KIAA1671: variants seen among roughly 807,000 people sequenced by gnomAD.
KIAA1671 encodes KIAA1671, also known as uncharacterized protein KIAA1671.
KIAA1671 carries 52 observed loss-of-function variants against 131.2 expected under a neutral mutation model. The observed-to-expected ratio is 0.40, with a 90% CI of 0.32 to 0.50. The LOEUF (loss-of-function observed/expected upper bound fraction) is 0.50, where lower values mean the gene tolerates loss of function less well. KIAA1671 is among the 20% of genes least tolerant of loss of function. KIAA1671 has a pLI of 0.73. For synonymous variants in KIAA1671, 1,003 were observed against 961.6 expected, an observed-to-expected ratio of 1.04 and a Z score of -0.80; for missense variants, 2,360 against 2,364.2, an observed-to-expected ratio of 1.00 and a Z score of 0.04.
At chr22:24,989,814 GTCCGCCC>G (rs1923745464) in intron 1 of KIAA1671, among the ~76,000 whole-genome samples, 1 of 152,118 alleles carries the variant, frequency 6.6e-6, no homozygotes, top group Admixed American at 6.5e-5. Context: ...CGGGGTGAAT[GTCCGCCC>G]GGCAAAGGGA....
chr22:25,060,549 C>T (rs1928104010), intron 6 of KIAA1671: 1 of 152,256 alleles, frequency 6.6e-6, no homozygotes, highest in Admixed American at 6.5e-5. Context: ...TCGGTTCACA[C>T]TCTGGGTATC....
At chr22:25,003,400 ATTTTTTTTTTTT>A (rs71191013) in intron 1 of KIAA1671, among the ~76,000 whole-genome samples, 2,156 of 113,934 alleles carry the variant, frequency 0.019, 79 homozygotes, top group African/African-American at 0.079. Flanking sequence ...ACTTGGAGAG[ATTTTTTTTTTTT>A]TTTTTTTTTT....
At position 25,039,809 on chromosome 22, in the gene KIAA1671, G is replaced by A. The variant is rs1400573028; in HGVS notation, c.2679G>A (p.Gly893=). ...ATCCTCTTTCCAGGGCTACGAATGG[G>A]CCTTCTGACTCCCAAGCACGAACAC... The part of the protein sequence containing the change: ...PLDPLSRATN[G]PSDSQARTHP... Residue 893 remains glycine (G), a synonymous_variant, in exon 5 of 13, where the codon GGG becomes GGA. Transcript: ENST00000358431. The A allele has an allele frequency of 2.4e-5, 36 of 1,525,212 alleles. No homozygotes were observed. The highest frequency in any genetic ancestry group is 2.9e-5 in the Non-Finnish European group (33 of 1,131,988). 94.5% of individuals were successfully genotyped at this position (1,525,212 alleles called of 1,614,324 possible).
chr22:25,075,866 C>T (rs1222191931), intron 6 of KIAA1671, among the ~76,000 whole-genome samples: 1 of 151,456 alleles, frequency 6.6e-6, no homozygotes, highest in Non-Finnish European at 1.5e-5. Context: ...ACCTCCTCCT[C>T]CCGGGTTCAA....
chr22:25,030,529 C>T lies in KIAA1671; in HGVS notation c.1541+989C>T, dbSNP rs1443093123. ...CAGCCTGGACAACAGAGCAAGACTCCGTCTCAAAAAAAAAACACCAAAAAA... is the reference window on the plus strand; with the variant it reads ...CAGCCTGGACAACAGAGCAAGACTCTGTCTCAAAAAAAAAACACCAAAAAA... On this transcript the variant is annotated intron_variant, in intron 3 of 12. Transcript: ENST00000358431. Among the ~76,000 whole-genome samples, 24 of 149,218 alleles carry T rather than the reference C, an allele frequency of 1.6e-4. No homozygotes were observed. The East Asian group carries it at 3.9e-3, about 24-fold the overall frequency.
At chr22:25,067,872 C>G (rs1019016523) in intron 6 of KIAA1671, among the ~76,000 whole-genome samples, 1 of 152,264 alleles carries the variant, frequency 6.6e-6, no homozygotes, top group African/African-American at 2.4e-5. Flanking sequence ...GCGCTGCATG[C>G]CCCACTTCTA....
intron 6 of KIAA1671, among the ~76,000 whole-genome samples, chr22:25,146,676 G>A (rs751883468): frequency 6.6e-6 from 1 of 152,188 alleles, no homozygotes; most frequent in African/African-American, 2.4e-5. Context: ...TGGGATACTG[G>A]CAATGGATAA....
At chr22:25,019,050 TTGTGTG>T (rs377368958) in intron 1 of KIAA1671, among the ~76,000 whole-genome samples, 4,785 of 144,016 alleles carry the variant, frequency 0.033, 91 homozygotes, top group Middle Eastern at 0.074. Flanking sequence ...AATAGTTGTT[TTGTGTG>T]TGTGTGTGTG....
At chr22:25,186,683 G>A (rs1349924923) in intron 11 of KIAA1671, among the ~76,000 whole-genome samples, 1 of 152,248 alleles carries the variant, frequency 6.6e-6, no homozygotes, top group Non-Finnish European at 1.5e-5. Context: ...ACCACGGGCA[G>A]TGAGAGGGGA....
In KIAA1671 at chr22:25,169,914, G is replaced by A. The variant is rs537131313; in HGVS notation, c.4531-906G>A. On this transcript the variant is annotated intron_variant, in intron 6 of 12. Coordinates refer to ENST00000358431, the MANE Select transcript of KIAA1671 (RefSeq NM_001145206.2). Reference sequence around the variant, plus strand: ...GTTTACTGGCTATTTGATTTGGGGCGTGTAATTTCATGTTTTTTGTTTGAG... The same window carrying A: ...GTTTACTGGCTATTTGATTTGGGGCATGTAATTTCATGTTTTTTGTTTGAG... 9.2e-5 allele frequency among the ~76,000 whole-genome samples: 14 copies of A among 152,194 alleles called. No homozygotes were observed. In the South Asian group the frequency reaches 1.0e-3, roughly 11 times the overall value.
chr22:24,993,693 A>G (rs2123850936), intron 1 of KIAA1671, among the ~76,000 whole-genome samples: 1 of 152,360 alleles, frequency 6.6e-6, no homozygotes, highest in East Asian at 1.9e-4. Flanking sequence ...TTGTGAGTTT[A>G]TCCACATTGC....
rs1926752472 is a variant in KIAA1671, at chr22:25,038,814, C to T, written c.1684C>T (p.Pro562Ser). The T allele has an allele frequency of 6.4e-7, 1 of 1,551,802 alleles. No individual in the cohort carries two copies. The highest frequency in any genetic ancestry group is 1.2e-5 in the South Asian group (1 of 84,064). The change falls in exon 5 of 13, where the codon CCT becomes TCT. Residue 562 changes from proline (P) to serine (S), a missense_variant. Around this residue, in one of 3 missense-constraint regions of KIAA1671, gnomAD observed 1,185 missense variants for 1,126.2 expected, o/e 1.05. Transcript: ENST00000358431. ...GACIPRSPWKPGTLRDKSRQT... is the reference protein window; with the variant it reads ...GACIPRSPWKSGTLRDKSRQT... ...ATGCATCCCGAGAAGCCCCTGGAAGCCTGGGACACTCCGGGATAAGTCCAG... is the reference window on the plus strand; with the variant it reads ...ATGCATCCCGAGAAGCCCCTGGAAGTCTGGGACACTCCGGGATAAGTCCAG...
intron 6 of KIAA1671, chr22:25,061,195 C>T (rs1360090629): frequency 6.6e-6 from 1 of 152,134 alleles, no homozygotes; most frequent in Non-Finnish European, 1.5e-5. Context: ...TAGTGAGAAA[C>T]TTATGGTTAT....
rs11704667 is a variant in KIAA1671, at chr22:25,029,373, T to C, written c.1374T>C (p.Ser458=). The C allele has an allele frequency of 0.41, 640,481 of 1,550,748 alleles. 138,424 individuals carry two copies. The highest frequency in any genetic ancestry group is 0.72 in the African/African-American group (52,480 of 73,056). ...STLALAVGSE[S]PLATPASPSA... The stretch of plus-strand genomic sequence containing the variant: ...TGGCCTTGGCAGTGGGGTCTGAATC[T>C]CCCCTGGCCACCCCTGCGTCCCCAT... Residue 458 remains serine, a synonymous_variant, in exon 3 of 13, where the codon TCT becomes TCC. Transcript: ENST00000358431.
At chr22:25,052,231 T>C (rs13056205) in intron 6 of KIAA1671, 35,586 of 152,246 alleles carry the variant, frequency 0.23, 5,563 homozygotes, top group African/African-American at 0.45. Context: ...GCTGAGAATG[T>C]GATATTTGCT....
rs58183667 is a variant in KIAA1671 at position 25,039,389 on chromosome 22, G to C, written c.2259G>C (p.Glu753Asp). The change falls in exon 5 of 13, where the codon GAG becomes GAC. Residue 753 changes from glutamate (E) to aspartate (D), a missense_variant. By Grantham distance (45) the Glu-to-Asp change is conservative. Around this residue, in one of 3 missense-constraint regions of KIAA1671, gnomAD observed 1,185 missense variants for 1,126.2 expected, o/e 1.05. Transcript: ENST00000358431. ...GCGAGGCCATCTCACCGGCACCGGA[G>C]GAGAAAGCGGTCACGCTCCGCAGCC... is the stretch of plus-strand genomic sequence containing the variant. ...VHSEAISPAP[E>D]EKAVTLRSLR... is the part of the protein sequence containing the mutation. 1.4e-4 allele frequency: 219 copies of C among 1,551,840 alleles called. 2 individuals are homozygous for C. The East Asian group carries it at 4.9e-3, about 34-fold the overall frequency.
chr22:25,081,409 T>A lies in KIAA1671; in HGVS notation c.4530+32045T>A, dbSNP rs112569870. ...TCTCACCTGACGATGAGAAACTCCC[T>A]GTCTCAAATGAGGATTGTGTAAGCA... is the stretch of plus-strand genomic sequence containing the variant. On this transcript the variant is annotated intron_variant, in intron 6 of 12. Transcript: ENST00000358431. Among the ~76,000 whole-genome samples the A allele has an allele frequency of 2.5e-3, 386 of 152,304 alleles. 2 individuals are homozygous for A. The highest frequency in any genetic ancestry group is 8.9e-3 in the African/African-American group (372 of 41,586).
Position 25,137,861 on chromosome 22 carries a change from C to T in KIAA1671, c.4531-32959C>T, listed in dbSNP as rs535273148. Among the ~76,000 whole-genome samples, 4 of 152,280 alleles carry T rather than the reference C, an allele frequency of 2.6e-5. No homozygotes were observed. In the South Asian group the frequency reaches 8.3e-4, roughly 32 times the overall value. On this transcript the variant is annotated intron_variant, in intron 6 of 12. Coordinates refer to ENST00000358431, the MANE Select transcript of KIAA1671 (RefSeq NM_001145206.2). Reference sequence around the variant, plus strand: ...GTTTACAGTGGAGGAGATTGAGGCCCAGAGAGGTTAAGTGACTTAGGCCTA... The same window carrying T: ...GTTTACAGTGGAGGAGATTGAGGCCTAGAGAGGTTAAGTGACTTAGGCCTA...
At chr22:25,152,706 G>A (rs1041143412) in intron 6 of KIAA1671, among the ~76,000 whole-genome samples, 1 of 152,066 alleles carries the variant, frequency 6.6e-6, no homozygotes, top group East Asian at 1.9e-4. Context: ...GAGTTCAAGC[G>A]ATTCTCCTGC....
Sources: allele counts gnomAD v4.1 joint callset (sites outside exome capture counted in the v4.1 genomes callset), GRCh38; gene constraint gnomAD v4.1.1; regional missense constraint gnomAD v4.1.1; transcripts MANE v1.5; gene names NCBI Gene and HGNC (gene_info 2026-07-23, HGNC 2026-07-21).